MGST2: variants seen among roughly 807,000 people sequenced by gnomAD.
MGST2 encodes microsomal glutathione S-transferase 2, also known as glutathione peroxidase MGST2.
A neutral mutation model predicts 16.6 loss-of-function variants in MGST2; 9 were observed. That is an observed-to-expected ratio of 0.54 (90% CI 0.33 to 0.95). The LOEUF is 0.95. Among genes scored for constraint, MGST2 ranks in the 40% least tolerant of loss-of-function variants. MGST2 has a pLI of 0.03. For missense variants in MGST2, 159 were observed against 175.1 expected, an observed-to-expected ratio of 0.91 and a Z score of 0.52; for synonymous variants, 79 against 68.0, an observed-to-expected ratio of 1.16 and a Z score of -0.79.
At chr4:139,666,373 C>T (rs1730352361) in intron 1 of MGST2, among the ~76,000 whole-genome samples, 3 of 152,116 alleles carry the variant, frequency 2.0e-5, no homozygotes, top group Non-Finnish European at 2.9e-5. Context: ...GTGATTACGA[C>T]CCACAGCCCG....
At chr4:139,725,660 A>G (rs886969171) in intron 5 of MGST2, 1 of 1,257,662 alleles carries the variant, frequency 8.0e-7, no homozygotes, top group Non-Finnish European at 1.2e-6. Context: ...CTGGACACAA[A>G]TACAGCCAGT....
intron 2 of MGST2, among the ~76,000 whole-genome samples, chr4:139,694,531 G>T (rs1726806657): frequency 6.6e-6 from 1 of 152,160 alleles, no homozygotes; most frequent in Non-Finnish European, 1.5e-5. Context: ...GTTAGATGCA[G>T]ATGAATTAAT....
chr4:139,741,610 G>A (rs1729166886), downstream of MGST2, among the ~76,000 whole-genome samples: 1 of 152,094 alleles, frequency 6.6e-6, no homozygotes, highest in Non-Finnish European at 1.5e-5. Flanking sequence ...AGCTGGGCAT[G>A]GTGGTGTGCA....
chr4:139,703,336 G>T, intron 3 of MGST2, 119 bp from the exon 4 acceptor site: 1 of 840,024 alleles, frequency 1.2e-6, no homozygotes, highest in South Asian at 1.4e-5. Flanking sequence ...TCTATATTCT[G>T]AATATAAGTA....
intron 5 of MGST2, among the ~76,000 whole-genome samples, chr4:139,727,025 A>G (rs1158765581): frequency 6.6e-6 from 1 of 152,236 alleles, no homozygotes; most frequent in Non-Finnish European, 1.5e-5. Context: ...AGAATATACA[A>G]CAAGGTCCCT....
intron 3 of MGST2, among the ~76,000 whole-genome samples, chr4:139,696,281 C>A (rs1726917790): frequency 6.6e-6 from 1 of 152,142 alleles, no homozygotes; most frequent in Non-Finnish European, 1.5e-5. Flanking sequence ...ATAGAAATAT[C>A]ATTTCTGACG....
chr4:139,703,653 C>A, intron 4 of MGST2, 117 bp downstream of exon 4: 1 of 955,380 alleles, frequency 1.0e-6, no homozygotes, highest in Non-Finnish European at 1.7e-6. Context: ...CAAAAGTAAT[C>A]CATACTGTCT....
chr4:139,726,884 A>G (rs1329562279), intron 5 of MGST2, among the ~76,000 whole-genome samples: 1 of 152,192 alleles, frequency 6.6e-6, no homozygotes, highest in African/African-American at 2.4e-5. Flanking sequence ...GTGATGTAGA[A>G]AGAGCAGAGA....
intron 5 of MGST2, chr4:139,730,738 C>G: frequency 7.0e-7 from 1 of 1,428,932 alleles, no homozygotes; most frequent in Non-Finnish European, 9.6e-7. Context: ...AGGGAAGCCC[C>G]TGGAAAAAGG....
intron 1 of MGST2, among the ~76,000 whole-genome samples, chr4:139,669,092 T>A (rs1730528061): frequency 6.6e-6 from 1 of 152,164 alleles, no homozygotes; most frequent in Non-Finnish European, 1.5e-5. Flanking sequence ...TATGCCTGAA[T>A]TCCAAAGGGC....
rs1220879074 is a variant in MGST2, at chr4:139,730,931, A to T, written c.*49-9281A>T. 7 of 525,914 alleles carry T rather than the reference A, an allele frequency of 1.3e-5. No individual in the cohort carries two copies. The Admixed American group carries it at 2.2e-4, about 17-fold the overall frequency. The allele number at this position is 525,914 out of a possible 1,614,324, so 32.6% of individuals were successfully genotyped here. A position where few individuals can be genotyped will look rare whatever the true frequency, so the allele number is the denominator to read the frequency against. The stretch of plus-strand genomic sequence containing the variant: ...GTCCAGTCTGTTTCGGATGGGACTG[A>T]CTATTGCATATAGACTGGATTTTCA... On this transcript the variant is annotated intron_variant, in intron 5 of 5. Coordinates refer to the MGST2 transcript ENST00000616265.
chr4:139,698,410 G>GCGC (rs1452735457), intron 3 of MGST2: 2 of 1,561,604 alleles, frequency 1.3e-6, no homozygotes, highest in African/African-American at 2.7e-5. Flanking sequence ...ATTTCACGGA[G>GCGC]CGCCACAGTA....
chr4:139,683,919 G>GTTTTTTTTTTTT (rs34222679), intron 2 of MGST2, among the ~76,000 whole-genome samples: 1 of 92,406 alleles, frequency 1.1e-5, no homozygotes, highest in Non-Finnish European at 2.1e-5. Context: ...TCAGTTTTGT[G>GTTTTTTTTTTTT]TTTTTTTTTT....
rs752981689 is a variant in MGST2, at chr4:139,720,012, C to T, written c.*48+15816C>T. 15 of 1,613,950 alleles carry T rather than the reference C, an allele frequency of 9.3e-6. No individual in the cohort carries two copies. In the Admixed American group the frequency reaches 1.0e-4, roughly 11 times the overall value. ...CTCTGACCAAAGCCACTCACCATTC[C>T]AACCCCCTGCCCAGAGGCAGGTTGC... On this transcript the variant is annotated intron_variant, in intron 5 of 5. Coordinates refer to the MGST2 transcript ENST00000616265.
chr4:139,683,289 T>G (rs929776870), intron 2 of MGST2, among the ~76,000 whole-genome samples: 1 of 152,158 alleles, frequency 6.6e-6, no homozygotes, highest in Non-Finnish European at 1.5e-5. Flanking sequence ...CTCATAGAAT[T>G]TTCTGACATA....
intron 5 of MGST2, among the ~76,000 whole-genome samples, chr4:139,739,361 C>G (rs1729073797): frequency 6.6e-6 from 1 of 152,178 alleles, no homozygotes; most frequent in South Asian, 2.1e-4. Context: ...ACCATTTGTC[C>G]TTATCAGTGC....
chr4:139,728,986 G>C (rs72946554), intron 5 of MGST2, among the ~76,000 whole-genome samples: 4,463 of 152,152 alleles, frequency 0.029, 179 homozygotes, highest in African/African-American at 0.093. Flanking sequence ...ACAGAGCCCA[G>C]CTGCCCTCGG....
intron 5 of MGST2, among the ~76,000 whole-genome samples, chr4:139,734,390 A>G (rs1728844306): frequency 6.6e-6 from 1 of 152,184 alleles, no homozygotes. Flanking sequence ...TTGTTCTCCA[A>G]TCCACTCCTT....
intron 5 of MGST2, among the ~76,000 whole-genome samples, chr4:139,727,996 G>C (rs1728546215): frequency 6.6e-6 from 1 of 152,152 alleles, no homozygotes; most frequent in African/African-American, 2.4e-5. Flanking sequence ...CAGGCAGATT[G>C]CTTGAGCCCA....
Sources: allele counts gnomAD v4.1 joint callset (sites outside exome capture counted in the v4.1 genomes callset), GRCh38; gene constraint gnomAD v4.1.1; transcripts MANE v1.5; gene names NCBI Gene and HGNC (gene_info 2026-07-23, HGNC 2026-07-21).